The following SPOCK3 variants were observed in gnomAD, a reference collection of about 807,000 sequenced individuals.
SPOCK3 encodes the protein testican-3.
In SPOCK3, 30 loss-of-function variants were observed where a neutral mutation model predicts 56.6. The observed-to-expected ratio is 0.53, with a 90% CI of 0.40 to 0.72. The LOEUF (loss-of-function observed/expected upper bound fraction) is 0.72, where lower values mean the gene tolerates loss of function less well. Ranked by LOEUF, SPOCK3 falls within the 30% of genes least tolerant of loss-of-function variation. SPOCK3 has a pLI of 0.00. For missense variants in SPOCK3, 527 were observed against 530.0 expected, an observed-to-expected ratio of 0.99 and a Z score of 0.06; for synonymous variants, 196 against 183.3, an observed-to-expected ratio of 1.07 and a Z score of -0.56.
chr4:166,989,335 T>G (rs1248639321), intron 4 of SPOCK3, among the ~76,000 whole-genome samples: 1 of 152,060 alleles, frequency 6.6e-6, no homozygotes, highest in Non-Finnish European at 1.5e-5. Flanking sequence ...ACTCCTCACT[T>G]AAATAATTAT....
chr4:167,109,475 ATTTATATAAAATATATTTATATAT>A (rs1399984593), intron 2 of SPOCK3, among the ~76,000 whole-genome samples: 23 of 102,622 alleles, frequency 2.2e-4, no homozygotes, highest in Admixed American at 5.6e-4. Flanking sequence ...GTTATAATAT[ATTTATATAAAATATATTTATATAT>A]TTTATATAAA....
intron 4 of SPOCK3, among the ~76,000 whole-genome samples, chr4:166,939,607 G>A (rs1005773102): frequency 4.6e-5 from 7 of 152,168 alleles, no homozygotes; most frequent in Middle Eastern, 3.2e-3. Context: ...CAAATAAAAT[G>A]TGTCTATGTT....
intron 2 of SPOCK3, among the ~76,000 whole-genome samples, chr4:167,140,245 A>G (rs975956505): frequency 6.6e-6 from 1 of 152,108 alleles, no homozygotes; most frequent in African/African-American, 2.4e-5. Context: ...GAATGAGTGT[A>G]TATGCTCCAT....
At chr4:167,205,360 AT>A (rs1734059155) in intron 2 of SPOCK3, among the ~76,000 whole-genome samples, 1 of 35,110 alleles carries the variant, frequency 2.8e-5, no homozygotes, top group African/African-American at 1.6e-4. Context: ...TAATATATAT[AT>A]TATATATTTT....
chr4:167,161,086 C>T (rs956391544), intron 2 of SPOCK3, among the ~76,000 whole-genome samples: 3 of 152,158 alleles, frequency 2.0e-5, no homozygotes, highest in African/African-American at 7.2e-5. Flanking sequence ...GCAAAAGAAA[C>T]TACCACAGAG....
intron 2 of SPOCK3, among the ~76,000 whole-genome samples, chr4:167,131,692 T>C (rs930237643): frequency 6.6e-6 from 1 of 152,220 alleles, no homozygotes; most frequent in Non-Finnish European, 1.5e-5. Context: ...CTGTTAACTG[T>C]AGACCATTCT....
At chr4:167,104,184 G>C (rs534267747) in intron 2 of SPOCK3, among the ~76,000 whole-genome samples, 1 of 152,108 alleles carries the variant, frequency 6.6e-6, no homozygotes, top group African/African-American at 2.4e-5. Flanking sequence ...ACCAACAAAC[G>C]TCAACAGCCA....
At chr4:167,141,369 C>T (rs1433762472) in intron 2 of SPOCK3, among the ~76,000 whole-genome samples, 1 of 152,034 alleles carries the variant, frequency 6.6e-6, no homozygotes, top group Non-Finnish European at 1.5e-5. Context: ...CACAACACCA[C>T]ATTTCTAGTT....
intron 6 of SPOCK3, among the ~76,000 whole-genome samples, chr4:166,872,715 T>C (rs556295454): frequency 4.5e-4 from 69 of 152,326 alleles, no homozygotes; most frequent in African/African-American, 1.6e-3. Flanking sequence ...TAGTGTATGA[T>C]TCTAACTATA....
chr4:167,035,479 C>T (rs55698921), intron 3 of SPOCK3, among the ~76,000 whole-genome samples: 4,000 of 152,098 alleles, frequency 0.026, 159 homozygotes, highest in African/African-American at 0.09. Context: ...AAAGTCCCTA[C>T]AGGACCTACC....
intron 3 of SPOCK3, among the ~76,000 whole-genome samples, chr4:167,053,910 C>A (rs997062650): frequency 6.6e-6 from 1 of 151,952 alleles, no homozygotes; most frequent in Non-Finnish European, 1.5e-5. Context: ...AGAAACACAT[C>A]AAAAAATGAA....
At chr4:166,952,158 C>T (rs375217738) in intron 4 of SPOCK3, among the ~76,000 whole-genome samples, 90 of 152,162 alleles carry the variant, frequency 5.9e-4, no homozygotes, top group African/African-American at 1.6e-3. Context: ...TGTTTGCAGA[C>T]GACATGATTG....
chr4:166,748,600 C>T (rs1180922529), intron 8 of SPOCK3, among the ~76,000 whole-genome samples: 1 of 136,440 alleles, frequency 7.3e-6, no homozygotes. Context: ...TCTAAAACAC[C>T]AAAAGCAATG....
intron 2 of SPOCK3, among the ~76,000 whole-genome samples, chr4:167,205,510 AATATATATTATATATAT>A (rs1734162257): frequency 1.8e-5 from 1 of 56,920 alleles, no homozygotes; most frequent in Non-Finnish European, 3.0e-5. Context: ...TATATTATAT[AATATATATTATATATAT>A]TATTATATAA....
intron 2 of SPOCK3, among the ~76,000 whole-genome samples, chr4:167,177,783 C>T (rs1378295614): frequency 1.3e-5 from 2 of 152,062 alleles, no homozygotes; most frequent in Non-Finnish European, 1.5e-5. Flanking sequence ...TTTATCTTTA[C>T]ACAGGTCCAG....
At chr4:167,234,380 G>T in intron 1 of SPOCK3, 70 bp downstream of exon 1, 1 of 604,812 alleles carries the variant, frequency 1.7e-6, no homozygotes. Flanking sequence ...AGGAGGAGAG[G>T]TGGGTATAAG....
rs535778216 is a variant in SPOCK3 at position 166,891,060 on chromosome 4, G to A, written c.475-1816C>T. 5.3e-5 allele frequency among the ~76,000 whole-genome samples: 8 copies of A among 152,000 alleles called. No individual in the cohort carries two copies. The South Asian group carries it at 1.2e-3, about 24-fold the overall frequency. ...TTGATTTAAAGTCTGTTTTATCAGA[G>A]ATTAGGATTGCAACCCCTTCTTTTT... On this transcript the variant is annotated intron_variant, in intron 5 of 10. Coordinates refer to ENST00000357545, the MANE Select transcript of SPOCK3 (RefSeq NM_001040159.2).
At chr4:166,977,627 C>T (rs1471894958) in intron 4 of SPOCK3, among the ~76,000 whole-genome samples, 1 of 151,982 alleles carries the variant, frequency 6.6e-6, no homozygotes, top group East Asian at 1.9e-4. Flanking sequence ...TTTTCATTTG[C>T]AGAATATATA....
At position 166,866,742 on chromosome 4, in the gene SPOCK3, G is replaced by A. The variant is rs140348174; in HGVS notation, c.589+22388C>T. 3.6e-4 allele frequency among the ~76,000 whole-genome samples: 54 copies of A among 152,016 alleles called. 2 individuals carry two copies. The highest frequency in any genetic ancestry group is 9.7e-4 in the East Asian group (5 of 5,174). ...TGAGTATTTCAAAAGGATATACTCC[G>A]GAAAGTATTATATTTCCAATCAGAA... On this transcript the variant is annotated intron_variant, in intron 6 of 10. Transcript: ENST00000357545.
Sources: allele counts gnomAD v4.1 joint callset (sites outside exome capture counted in the v4.1 genomes callset), GRCh38; gene constraint gnomAD v4.1.1; transcripts MANE v1.5; gene names NCBI Gene and HGNC (gene_info 2026-07-23, HGNC 2026-07-21).